Variants in PIP5K1C observed in about 807,000 individuals in gnomAD.
PIP5K1C encodes phosphatidylinositol-4-phosphate 5-kinase type 1 gamma, also known as phosphatidylinositol 4-phosphate 5-kinase type-1 gamma.
In PIP5K1C, 45 loss-of-function variants were observed where a neutral mutation model predicts 80.1. The ratio of observed to expected loss-of-function variants is 0.56; its 90% CI spans 0.44 to 0.72. The LOEUF is 0.72. Ranked by LOEUF, PIP5K1C falls within the 30% of genes least tolerant of loss-of-function variation. PIP5K1C has a pLI of 0.00. For missense variants in PIP5K1C, 753 were observed against 954.6 expected, an observed-to-expected ratio of 0.79 and a Z score of 2.78; for synonymous variants, 498 against 420.1, an observed-to-expected ratio of 1.19 and a Z score of -2.27.
chr19:3,662,497 C>A (rs550482825), intron 3 of PIP5K1C, among the ~76,000 whole-genome samples: 1 of 152,336 alleles, frequency 6.6e-6, no homozygotes, highest in East Asian at 1.9e-4. Context: ...AGTTTCCCTG[C>A]CTGTAGACAG....
At position 3,633,536 on chromosome 19, in the gene PIP5K1C, G is replaced by A. The variant is rs777761612; in HGVS notation, c.1921-16C>T. The A allele has an allele frequency of 2.5e-5, 37 of 1,476,250 alleles. No homozygotes were observed. Among genetic ancestry groups the A allele is most frequent in the Middle Eastern group, 3.7e-4 (2 of 5,354 alleles). The allele number at this position is 1,476,250 out of a possible 1,614,324, so 91.4% of individuals were successfully genotyped here. A position where few individuals can be genotyped will look rare whatever the true frequency, so the allele number is the denominator to read the frequency against. ...CATCGGTGGGCTGGCAGGTGGGCGC[G>A]CGTGCAGGAGGGCGCGGAAGAGCAG... On this transcript the variant is annotated splice_polypyrimidine_tract_variant and intron_variant, in intron 16 of 17. Coordinates refer to ENST00000335312, the MANE Select transcript of PIP5K1C (RefSeq NM_012398.3).
In PIP5K1C at chr19:3,648,524, AGACCCGGGCGCCCACCTGTG is replaced by A; in HGVS notation, c.1211+81_1211+100del. On this transcript the variant is annotated intron_variant, in intron 9 of 17. Coordinates refer to ENST00000335312, the MANE Select transcript of PIP5K1C (RefSeq NM_012398.3). This position sits in a 1 kb window ranked among gnomAD's most constrained non-coding sequence, Gnocchi z 4.3. ...CCCAGGCGCCCACCTGTGGGGCTGCAGACCCGGGCGCCCACCTGTGGGGCTGCAGACCCGGGCGCCCACCT... is the reference window on the plus strand; with the variant it reads ...CCCAGGCGCCCACCTGTGGGGCTGCAGGGCTGCAGACCCGGGCGCCCACCT... 4.6e-6 allele frequency: 2 copies of A among 439,100 alleles called. No individual in the cohort carries two copies. The highest frequency in any genetic ancestry group is 8.5e-6 in the Non-Finnish European group (2 of 234,606). The allele number at this position is 439,100 out of a possible 1,614,324, so 27.2% of individuals were successfully genotyped here. A position where few individuals can be genotyped will look rare whatever the true frequency, so the allele number is the denominator to read the frequency against.
intron 3 of PIP5K1C, among the ~76,000 whole-genome samples, chr19:3,662,362 G>A (rs1361688190): frequency 1.3e-5 from 2 of 152,188 alleles, no homozygotes; most frequent in African/African-American, 4.8e-5. Context: ...TTTGTTTTTA[G>A]GGGGTACCAT....
chr19:3,674,630 G>A lies in PIP5K1C; in HGVS notation c.95-7277C>T, dbSNP rs560349193. 5.3e-5 allele frequency among the ~76,000 whole-genome samples: 8 copies of A among 152,284 alleles called. No homozygotes were observed. The East Asian group carries it at 1.4e-3, about 26-fold the overall frequency. The stretch of plus-strand genomic sequence containing the variant: ...CGATTCTCCTGCCTCAGCCTCCCCC[G>A]AGTAGCTGGGACTACAGGCACGCAC... On this transcript the variant is annotated intron_variant, in intron 1 of 17. Transcript: ENST00000335312.
intron 11 of PIP5K1C, among the ~76,000 whole-genome samples, 170 bp from the exon 12 acceptor site, chr19:3,644,421 G>A (rs570646589): frequency 6.6e-6 from 1 of 152,278 alleles, no homozygotes; most frequent in South Asian, 2.1e-4. Flanking sequence ...GGGTCTGCCT[G>A]GGGAGGGACT....
Position 3,685,886 on chromosome 19 carries a change from C to T in PIP5K1C, c.94+14411G>A, listed in dbSNP as rs536149059. Among the ~76,000 whole-genome samples the T allele has an allele frequency of 2.3e-3, 342 of 149,910 alleles. 3 individuals are homozygous for T. Among genetic ancestry groups the T allele is most frequent in the East Asian group, 2.3e-3 (11 of 4,758 alleles). On this transcript the variant is annotated intron_variant, in intron 1 of 17. Coordinates refer to ENST00000335312, the MANE Select transcript of PIP5K1C (RefSeq NM_012398.3). ...GTTCATCTTGATTTTTTTGTAGAGACGGGGTCTTGCACTGTCACCCAGGCT... is the reference window on the plus strand; with the variant it reads ...GTTCATCTTGATTTTTTTGTAGAGATGGGGTCTTGCACTGTCACCCAGGCT...
intron 1 of PIP5K1C, 48 bp downstream of exon 1, chr19:3,700,249 G>T: frequency 9.4e-7 from 1 of 1,062,270 alleles, no homozygotes; most frequent in African/African-American, 1.7e-5. Context: ...GACTCTCGGC[G>T]CTCGGACGAG....
intron 1 of PIP5K1C, among the ~76,000 whole-genome samples, chr19:3,697,832 G>T (rs2036173035): frequency 1.3e-5 from 2 of 152,218 alleles, no homozygotes. Flanking sequence ...CCACACAGTG[G>T]GCACAGCCGC....
chr19:3,684,955 G>T (rs1191319293), intron 1 of PIP5K1C, among the ~76,000 whole-genome samples: 1 of 152,192 alleles, frequency 6.6e-6, no homozygotes, highest in African/African-American at 2.4e-5. Flanking sequence ...GTGGGATGGG[G>T]GAGGGTCTCT....
intron 8 of PIP5K1C, among the ~76,000 whole-genome samples, chr19:3,650,887 G>A (rs545558348): frequency 2.0e-4 from 31 of 152,126 alleles, no homozygotes; most frequent in African/African-American, 7.5e-4. Context: ...CTCCCAAGTA[G>A]CTGGGATTAC....
chr19:3,646,469 T>C (rs1422773687), intron 10 of PIP5K1C, among the ~76,000 whole-genome samples: 2 of 150,738 alleles, frequency 1.3e-5, no homozygotes, highest in East Asian at 4.0e-4. Flanking sequence ...GGGTGAGGAG[T>C]GGCCACGTAC....
At position 3,638,112 on chromosome 19, in the gene PIP5K1C, G is replaced by A. The variant is rs540657169; in HGVS notation, c.1920+772C>T. ...CCAGCCCTCCTTCCCAGGGGGTGCA[G>A]GGTGAGAACAAACCATCTGGGAAGT... On this transcript the variant is annotated intron_variant, in intron 16 of 17. Coordinates refer to ENST00000335312, the MANE Select transcript of PIP5K1C (RefSeq NM_012398.3). The A allele has an allele frequency of 5.5e-5, 76 of 1,372,424 alleles. No homozygotes were observed. The South Asian group carries it at 1.1e-3, about 20-fold the overall frequency. 85.0% of individuals were successfully genotyped at this position (1,372,424 alleles called of 1,614,324 possible).
chr19:3,691,776 G>GT (rs2035958388), intron 1 of PIP5K1C, among the ~76,000 whole-genome samples: 1 of 152,222 alleles, frequency 6.6e-6, no homozygotes, highest in Admixed American at 6.5e-5. Flanking sequence ...TGCACTGGGG[G>GT]TGACAGCACC....
In PIP5K1C at chr19:3,692,047, GCA is replaced by G. The variant is rs1390771130; in HGVS notation, c.94+8248_94+8249del. ...AGTCCAAGCACCGCACGGGAAGGGT[GCA>G]CAGTGGGAGCTGCCCGCTCACGTCC... is the stretch of plus-strand genomic sequence containing the variant. On this transcript the variant is annotated intron_variant, in intron 1 of 17. Transcript: ENST00000335312. The surrounding 1 kb of genome is among the most constrained non-coding windows in gnomAD (Gnocchi z 5.2). Among the ~76,000 whole-genome samples, 1 of 152,190 alleles carries G rather than the reference GCA, an allele frequency of 6.6e-6. No homozygotes were observed. Among genetic ancestry groups the G allele is most frequent in the African/African-American group, 2.4e-5 (1 of 41,444 alleles).
intron 16 of PIP5K1C, chr19:3,636,508 C>T: frequency 1.0e-6 from 1 of 985,576 alleles, no homozygotes; most frequent in Non-Finnish European, 1.2e-6. Context: ...CTGCGAACTG[C>T]TCCCTGCCTA....
chr19:3,671,981 CCT>C (rs1158947674), intron 1 of PIP5K1C, among the ~76,000 whole-genome samples: 1 of 152,206 alleles, frequency 6.6e-6, no homozygotes, highest in Non-Finnish European at 1.5e-5. Context: ...GGAGGTGGCC[CCT>C]CTGAGCAGTT....
intron 1 of PIP5K1C, among the ~76,000 whole-genome samples, chr19:3,699,748 G>C (rs937558726): frequency 5.3e-5 from 8 of 152,068 alleles, no homozygotes; most frequent in African/African-American, 1.9e-4. Context: ...TGTGTCCTGG[G>C]GGAAGGCTCG....
At chr19:3,635,208 A>T (rs1295858435) in intron 16 of PIP5K1C, among the ~76,000 whole-genome samples, 6 of 152,262 alleles carry the variant, frequency 3.9e-5, no homozygotes, top group Non-Finnish European at 8.8e-5. Context: ...GGGCACACAC[A>T]GCACGTGGGC....
chr19:3,638,755 T>G, intron 16 of PIP5K1C, 129 bp downstream of exon 16: 1 of 969,444 alleles, frequency 1.0e-6, no homozygotes, highest in Non-Finnish European at 1.4e-6. Flanking sequence ...AGAGAGCATG[T>G]GGGTGGGTCG....
Sources: allele counts gnomAD v4.1 joint callset (sites outside exome capture counted in the v4.1 genomes callset), GRCh38; gene constraint gnomAD v4.1.1; non-coding constraint Gnocchi (gnomAD v3.1); transcripts MANE v1.5; gene names NCBI Gene and HGNC (gene_info 2026-07-23, HGNC 2026-07-21).